Variants in DENND1B observed in about 807,000 individuals in gnomAD.
DENND1B encodes DENN domain containing 1B, also known as DENN domain-containing protein 1B.
Under a neutral mutation model 90.1 loss-of-function variants are expected in DENND1B, and 59 were observed. The observed-to-expected ratio is 0.65, with a 90% CI of 0.53 to 0.81. The LOEUF is 0.81. Among genes scored for constraint, DENND1B ranks in the 40% least tolerant of loss-of-function variants. The pLI is 0.00. For synonymous variants in DENND1B, 337 were observed against 324.6 expected (o/e 1.04, Z -0.41); for missense variants, 862 against 912.6 (o/e 0.94, Z 0.71).
At chr1:197,574,237 G>A (rs1338854983) in intron 15 of DENND1B, among the ~76,000 whole-genome samples, 1 of 152,180 alleles carries the variant, frequency 6.6e-6, no homozygotes, top group Non-Finnish European at 1.5e-5. Context: ...AGCAACTTCA[G>A]CAAAGTCTCA....
chr1:197,538,188 A>T (rs1482959940), intron 20 of DENND1B, among the ~76,000 whole-genome samples: 1 of 152,134 alleles, frequency 6.6e-6, no homozygotes, highest in Non-Finnish European at 1.5e-5. Flanking sequence ...TTCACAGAAA[A>T]TCTACTCGCC....
At chr1:197,764,190 CTT>C (rs1425348783) in intron 2 of DENND1B, among the ~76,000 whole-genome samples, 1 of 152,174 alleles carries the variant, frequency 6.6e-6, no homozygotes, top group Non-Finnish European at 1.5e-5. Context: ...TAGTCTTACT[CTT>C]AAGTCTGTGT....
chr1:197,611,067 T>C (rs1054655398), intron 12 of DENND1B, among the ~76,000 whole-genome samples: 4 of 150,790 alleles, frequency 2.7e-5, no homozygotes, highest in Non-Finnish European at 6.0e-5. Context: ...TAAGGACTGA[T>C]GGAGGGTATA....
chr1:197,654,605 G>A (rs541154330), intron 6 of DENND1B, among the ~76,000 whole-genome samples: 33 of 148,598 alleles, frequency 2.2e-4, no homozygotes, highest in Non-Finnish European at 3.8e-4. Flanking sequence ...GCGTGACTCC[G>A]TCTCAAAAAA....
intron 17 of DENND1B, 101 bp from the exon 18 acceptor site, chr1:197,546,091 C>T: frequency 1.1e-6 from 1 of 881,150 alleles, no homozygotes; most frequent in Non-Finnish European, 1.7e-6. Context: ...AAGGGCTTTA[C>T]TCACAACTTA....
chr1:197,668,291 T>C (rs1655143552), intron 5 of DENND1B, among the ~76,000 whole-genome samples: 1 of 151,830 alleles, frequency 6.6e-6, no homozygotes, highest in South Asian at 2.1e-4. Flanking sequence ...TATTAAGAAT[T>C]ATGTGCCAGG....
At chr1:197,576,963 A>T (rs1998711) in intron 15 of DENND1B, among the ~76,000 whole-genome samples, 78,955 of 151,896 alleles carry the variant, frequency 0.52, 21,406 homozygotes, top group East Asian at 0.66. Flanking sequence ...TATCAGTTAA[A>T]AAGGCCTATA....
chr1:197,585,015 C>T (rs1251214077), intron 14 of DENND1B, among the ~76,000 whole-genome samples: 1 of 152,134 alleles, frequency 6.6e-6, no homozygotes, highest in African/African-American at 2.4e-5. Flanking sequence ...CTTTAAATTA[C>T]ATATTTTTTA....
At chr1:197,652,497 A>G (rs1001329230) in intron 6 of DENND1B, among the ~76,000 whole-genome samples, 182 bp from the exon 7 acceptor site, 4 of 152,160 alleles carry the variant, frequency 2.6e-5, no homozygotes, top group African/African-American at 4.8e-5. Context: ...ATATGAAAAC[A>G]TATTTAAATC....
the DENND1B span, among the ~76,000 whole-genome samples, chr1:197,781,626 G>C: frequency 6.6e-6 from 1 of 152,180 alleles, no homozygotes; most frequent in South Asian, 2.1e-4. Flanking sequence ...AAAATAAAGA[G>C]AAGATGGAGG....
chr1:197,757,404 A>C (rs951230195), intron 2 of DENND1B: 6 of 152,202 alleles, frequency 3.9e-5, no homozygotes, highest in African/African-American at 1.4e-4. Context: ...TCTAATGGGT[A>C]AGAAGAAATA....
upstream of DENND1B, among the ~76,000 whole-genome samples, chr1:197,775,977 AC>A (rs1367945345): frequency 6.6e-6 from 1 of 152,170 alleles, no homozygotes; most frequent in East Asian, 1.9e-4. Flanking sequence ...AGACATGTGC[AC>A]CTGCTAAATA....
chr1:197,743,856 T>G (rs376023312), intron 2 of DENND1B, among the ~76,000 whole-genome samples: 1 of 152,156 alleles, frequency 6.6e-6, no homozygotes, highest in African/African-American at 2.4e-5. Flanking sequence ...AACCCTTCCC[T>G]GCTTTATCAT....
At chr1:197,587,625 T>C (rs969757564) in intron 14 of DENND1B, among the ~76,000 whole-genome samples, 12 of 152,134 alleles carry the variant, frequency 7.9e-5, no homozygotes, top group Non-Finnish European at 1.5e-4. Flanking sequence ...CTTGATCATC[T>C]TTGCATTCCC....
intron 15 of DENND1B, among the ~76,000 whole-genome samples, chr1:197,576,799 G>A (rs913074565): frequency 6.6e-6 from 1 of 151,884 alleles, no homozygotes; most frequent in African/African-American, 2.4e-5. Context: ...AAGGTTTTGG[G>A]GGAACATTAA....
intron 2 of DENND1B, among the ~76,000 whole-genome samples, chr1:197,770,777 A>AATATATATATAAAT (rs1419686658): frequency 2.2e-5 from 3 of 136,812 alleles, no homozygotes; most frequent in African/African-American, 8.3e-5. Flanking sequence ...TATATCTATA[A>AATATATATATAAAT]ATATATAAAT....
chr1:197,760,778 A>C (rs2102457576), intron 2 of DENND1B, among the ~76,000 whole-genome samples: 1 of 152,312 alleles, frequency 6.6e-6, no homozygotes, highest in South Asian at 2.1e-4. Context: ...CAAAATTTAG[A>C]ACAATGACAT....
At chr1:197,525,524 T>C (rs1002605921) in intron 20 of DENND1B, among the ~76,000 whole-genome samples, 6 of 152,122 alleles carry the variant, frequency 3.9e-5, no homozygotes, top group Non-Finnish European at 7.4e-5. Flanking sequence ...AGACACAGAA[T>C]TCAGTTCCTC....
chr1:197,773,393 A>G (rs1323962900), intron 1 of DENND1B, among the ~76,000 whole-genome samples: 1 of 152,222 alleles, frequency 6.6e-6, no homozygotes, highest in East Asian at 1.9e-4. Context: ...AAGGACTTGC[A>G]ATATAAGTGT....
Sources: allele counts gnomAD v4.1 joint callset (sites outside exome capture counted in the v4.1 genomes callset), GRCh38; gene constraint gnomAD v4.1.1; transcripts MANE v1.5; gene names NCBI Gene and HGNC (gene_info 2026-07-23, HGNC 2026-07-21).